NXPE2: variants seen among roughly 807,000 people sequenced by gnomAD.
NXPE2 encodes neurexophilin and PC-esterase domain family member 2.
NXPE2 carries 34 observed loss-of-function variants against 34.4 expected under a neutral mutation model. The observed-to-expected ratio is 0.99, with a 90% CI of 0.75 to 1.31. The LOEUF (loss-of-function observed/expected upper bound fraction) is 1.31, where lower values mean the gene tolerates loss of function less well. Among genes scored for constraint, NXPE2 ranks in the 40% most tolerant of loss-of-function variants. The pLI is 0.00. For missense variants in NXPE2, 649 were observed against 672.5 expected (o/e 0.97, Z 0.39); for synonymous variants, 235 against 231.3 (o/e 1.02, Z -0.15).
At chr11:114,699,695 A>G (rs1951328854) in intron 3 of NXPE2, among the ~76,000 whole-genome samples, 1 of 152,070 alleles carries the variant, frequency 6.6e-6, no homozygotes, top group Admixed American at 6.6e-5. Context: ...CCGCAACATA[A>G]TTCTTATTAC....
the NXPE2 span, among the ~76,000 whole-genome samples, chr11:114,625,286 C>T: frequency 5.4e-4 from 81 of 150,186 alleles, no homozygotes; most frequent in Middle Eastern, 3.6e-3. Flanking sequence ...TTGCCTCATG[C>T]GTAACCACAG....
the NXPE2 span, among the ~76,000 whole-genome samples, chr11:114,615,664 C>T: frequency 3.3e-5 from 5 of 151,320 alleles, no homozygotes; most frequent in South Asian, 2.1e-4. Flanking sequence ...CACTGTTACC[C>T]GATGGATAAT....
chr11:114,604,722 C>A, the NXPE2 span, among the ~76,000 whole-genome samples: 14 of 151,872 alleles, frequency 9.2e-5, no homozygotes, highest in East Asian at 1.8e-3. Context: ...TTGTGGGTAA[C>A]CACTGTTACT....
chr11:114,744,343 A>G, the NXPE2 span, among the ~76,000 whole-genome samples: 1 of 152,338 alleles, frequency 6.6e-6, no homozygotes, highest in South Asian at 2.1e-4. Flanking sequence ...ATAACCTCTG[A>G]CACCTTTGAA....
chr11:114,628,840 A>G, the NXPE2 span, among the ~76,000 whole-genome samples: 1 of 152,118 alleles, frequency 6.6e-6, no homozygotes, highest in African/African-American at 2.4e-5. Context: ...TAAAGGGGAT[A>G]TCACCACCGA....
the NXPE2 span, among the ~76,000 whole-genome samples, chr11:114,796,548 T>C: frequency 6.6e-6 from 1 of 152,362 alleles, no homozygotes; most frequent in South Asian, 2.1e-4. Flanking sequence ...ACCCCCTTTC[T>C]GTGTCCAATA....
the NXPE2 span, chr11:114,551,363 C>A: frequency 2.1e-6 from 3 of 1,403,174 alleles, no homozygotes; most frequent in South Asian, 1.6e-5. Context: ...ACAACTCATA[C>A]CCCCAATCCC....
chr11:114,504,065 T>G, the NXPE2 span, among the ~76,000 whole-genome samples: 2 of 152,134 alleles, frequency 1.3e-5, no homozygotes, highest in African/African-American at 2.4e-5. Flanking sequence ...AGCCTGCAAG[T>G]TTCCCCCCTA....
upstream of NXPE2, among the ~76,000 whole-genome samples, chr11:114,674,238 A>G (rs1950833041): frequency 6.6e-6 from 1 of 151,834 alleles, no homozygotes; most frequent in Admixed American, 6.6e-5. Context: ...TACCAACAAA[A>G]ATGTTTAAAA....
chr11:114,631,735 C>T, the NXPE2 span, among the ~76,000 whole-genome samples: 12 of 151,682 alleles, frequency 7.9e-5, no homozygotes, highest in African/African-American at 1.7e-4. Context: ...AGTATTGCCT[C>T]GTGGGTAACC....
the NXPE2 span, among the ~76,000 whole-genome samples, chr11:114,739,275 A>G: frequency 2.7e-5 from 4 of 146,184 alleles, no homozygotes; most frequent in Admixed American, 1.4e-4. Flanking sequence ...ACTTATTGCC[A>G]TTATTTTCCT....
chr11:114,633,998 A>G, the NXPE2 span, among the ~76,000 whole-genome samples: 1 of 151,954 alleles, frequency 6.6e-6, no homozygotes, highest in Non-Finnish European at 1.5e-5. Context: ...TGGCTGGGTC[A>G]AATGGTATTT....
chr11:114,577,007 A>C, the NXPE2 span, among the ~76,000 whole-genome samples: 6 of 33,312 alleles, frequency 1.8e-4, no homozygotes, highest in South Asian at 3.1e-3. Context: ...ATATATATAA[A>C]GTTATATATA....
intron 3 of NXPE2, among the ~76,000 whole-genome samples, chr11:114,700,068 A>G (rs958360213): frequency 2.6e-5 from 4 of 152,222 alleles, no homozygotes; most frequent in Non-Finnish European, 4.4e-5. Flanking sequence ...TGCTGGAATT[A>G]TAGGCATGAG....
At chr11:114,567,724 A>G in the NXPE2 span, among the ~76,000 whole-genome samples, 1 of 151,968 alleles carries the variant, frequency 6.6e-6, no homozygotes, top group Non-Finnish European at 1.5e-5. Flanking sequence ...TACTTAGAAT[A>G]TACTTTTTAT....
chr11:114,739,054 C>T, the NXPE2 span, among the ~76,000 whole-genome samples: 3 of 152,130 alleles, frequency 2.0e-5, no homozygotes, highest in Non-Finnish European at 4.4e-5. Flanking sequence ...AATAACAACT[C>T]TATAATTCCA....
At chr11:114,780,638 G>T in the NXPE2 span, among the ~76,000 whole-genome samples, 2 of 152,216 alleles carry the variant, frequency 1.3e-5, no homozygotes, top group East Asian at 1.9e-4. Context: ...GAAGGTGGTT[G>T]CATCCTGTAA....
the NXPE2 span, among the ~76,000 whole-genome samples, chr11:114,593,825 C>T: frequency 1.6e-4 from 24 of 152,086 alleles, no homozygotes; most frequent in East Asian, 3.1e-3. Context: ...ATATACACAA[C>T]GGAGTAGTAT....
the NXPE2 span, among the ~76,000 whole-genome samples, chr11:114,537,267 G>C: frequency 6.6e-6 from 1 of 152,190 alleles, no homozygotes. Context: ...ATTAGGTATT[G>C]ATGGGACATA....
Sources: allele counts gnomAD v4.1 joint callset (sites outside exome capture counted in the v4.1 genomes callset), GRCh38; gene constraint gnomAD v4.1.1; transcripts MANE v1.5; gene names NCBI Gene and HGNC (gene_info 2026-07-23, HGNC 2026-07-21).